Variants in IRAK1BP1 observed in about 807,000 individuals in gnomAD.
The protein encoded by IRAK1BP1 is interleukin 1 receptor associated kinase 1 binding protein 1.
IRAK1BP1 carries 24 observed loss-of-function variants against 28.0 expected under a neutral mutation model. The observed-to-expected ratio is 0.86, with a 90% CI of 0.62 to 1.20. The LOEUF (loss-of-function observed/expected upper bound fraction) is 1.20, where lower values mean the gene tolerates loss of function less well. IRAK1BP1 is among the 50% of genes most tolerant of loss of function. IRAK1BP1 has a pLI of 0.00. For missense variants in IRAK1BP1, 336 were observed against 316.7 expected, an observed-to-expected ratio of 1.06 and a Z score of -0.46; for synonymous variants, 131 against 116.3, an observed-to-expected ratio of 1.13 and a Z score of -0.81.
chr6:78,909,015 GAGTAATAGCATGAA>G (rs1355307441), intron 4 of IRAK1BP1, among the ~76,000 whole-genome samples: 4 of 152,316 alleles, frequency 2.6e-5, no homozygotes, highest in African/African-American at 9.6e-5. Context: ...AAACTGTGAG[GAGTAATAGCATGAA>G]AGGCCAGTCT....
the IRAK1BP1 span, chr6:78,954,840 G>C: frequency 6.3e-7 from 1 of 1,581,382 alleles, no homozygotes. Flanking sequence ...TCTACCGGCT[G>C]ACGGAAAGGC....
chr6:78,978,932 C>A, the IRAK1BP1 span, among the ~76,000 whole-genome samples: 1 of 152,110 alleles, frequency 6.6e-6, no homozygotes, highest in African/African-American at 2.4e-5. Context: ...AAAGTTCCAA[C>A]AGGCAAAACT....
chr6:78,880,433 A>C (rs1053521276), intron 1 of IRAK1BP1, among the ~76,000 whole-genome samples: 1 of 152,238 alleles, frequency 6.6e-6, no homozygotes, highest in Non-Finnish European at 1.5e-5. Context: ...CAAAAAGCAC[A>C]GTCCATGAAA....
intron 4 of IRAK1BP1, among the ~76,000 whole-genome samples, chr6:78,919,336 A>G (rs2127664927): frequency 6.6e-6 from 1 of 152,316 alleles, no homozygotes; most frequent in East Asian, 1.9e-4. Context: ...AAGAGAAATA[A>G]CTAAAATCAA....
chr6:78,965,701 A>C, the IRAK1BP1 span: 1 of 1,509,556 alleles, frequency 6.6e-7, no homozygotes. Context: ...ACACACACTT[A>C]CCATTATTAG....
chr6:78,893,353 C>T (rs568906903), intron 2 of IRAK1BP1, among the ~76,000 whole-genome samples: 3 of 93,308 alleles, frequency 3.2e-5, no homozygotes, highest in African/African-American at 6.7e-5. Context: ...TATATATCAA[C>T]GAAGAGTTTC....
chr6:78,906,076 G>T (rs4706743), downstream of IRAK1BP1, among the ~76,000 whole-genome samples: 50,065 of 152,028 alleles, frequency 0.33, 9,825 homozygotes, highest in East Asian at 0.69. Context: ...TACTTATGAA[G>T]AAGAGATGAA....
intron 4 of IRAK1BP1, among the ~76,000 whole-genome samples, chr6:78,926,114 CA>C (rs1367196914): frequency 6.6e-6 from 1 of 152,040 alleles, no homozygotes; most frequent in Non-Finnish European, 1.5e-5. Flanking sequence ...ATCACAATCA[CA>C]ATTAGATAAC....
At position 78,910,767 on chromosome 6, in the gene IRAK1BP1, T is replaced by C. The variant is rs557996636; in HGVS notation, c.*67+7657T>C. Among the ~76,000 whole-genome samples the C allele has an allele frequency of 3.9e-5, 6 of 152,356 alleles. No individual in the cohort carries two copies. The South Asian group carries it at 1.2e-3, about 32-fold the overall frequency. Reference sequence around the variant, plus strand: ...AATCGCGCTTCTCGCCGGCTGGGACTGCCCCAGACACGCACACCCTCCCGA... The same window carrying C: ...AATCGCGCTTCTCGCCGGCTGGGACCGCCCCAGACACGCACACCCTCCCGA... On this transcript the variant is annotated intron_variant and NMD_transcript_variant, in intron 4 of 4. Coordinates refer to the IRAK1BP1 transcript ENST00000606868.
At chr6:78,954,823 A>C in the IRAK1BP1 span, 1 of 1,579,196 alleles carries the variant, frequency 6.3e-7, no homozygotes, top group South Asian at 1.2e-5. Context: ...CTGGATATTC[A>C]AGGAGATCTA....
chr6:78,920,916 T>C (rs1402453547), intron 4 of IRAK1BP1, among the ~76,000 whole-genome samples: 1 of 152,164 alleles, frequency 6.6e-6, no homozygotes, highest in Non-Finnish European at 1.5e-5. Context: ...GTAGAATCTA[T>C]AAGGAACCTA....
intron 4 of IRAK1BP1, among the ~76,000 whole-genome samples, chr6:78,934,069 T>C (rs1773167021): frequency 1.3e-5 from 2 of 152,168 alleles, no homozygotes; most frequent in African/African-American, 2.4e-5. Context: ...GGGTAACTAA[T>C]TGGTTTAATT....
rs888563038 is a variant in IRAK1BP1, at chr6:78,874,498, G to A, written c.315+6607G>A. Reference sequence around the variant, plus strand: ...AATTAGTTCATTTGATCCTTGTTACGGTCCTGTGCCAGTACTATCCTGTTT... The same window carrying A: ...AATTAGTTCATTTGATCCTTGTTACAGTCCTGTGCCAGTACTATCCTGTTT... On this transcript the variant is annotated intron_variant, in intron 1 of 3. Coordinates refer to ENST00000369940, the MANE Select transcript of IRAK1BP1 (RefSeq NM_001010844.4). Among the ~76,000 whole-genome samples, 5 of 152,016 alleles carry A rather than the reference G, an allele frequency of 3.3e-5. No individual in the cohort carries two copies. The East Asian group carries it at 5.8e-4, about 18-fold the overall frequency.
At chr6:78,903,800 T>C (rs1772185877), downstream of IRAK1BP1, among the ~76,000 whole-genome samples, 1 of 152,010 alleles carries the variant, frequency 6.6e-6, no homozygotes, top group African/African-American at 2.4e-5. Flanking sequence ...AAAGATTCTG[T>C]CTCCTATCCT....
At chr6:78,968,030 C>T in the IRAK1BP1 span, among the ~76,000 whole-genome samples, 2 of 151,748 alleles carry the variant, frequency 1.3e-5, no homozygotes, top group Non-Finnish European at 2.9e-5. Context: ...CCCAGCTAAT[C>T]GGGAGGCTGA....
intron 2 of IRAK1BP1, among the ~76,000 whole-genome samples, chr6:78,894,270 G>C (rs1373247523): frequency 6.6e-6 from 1 of 152,118 alleles, no homozygotes; most frequent in Non-Finnish European, 1.5e-5. Context: ...AAATGTAAAT[G>C]GTCCACATAC....
chr6:78,955,653 A>T, the IRAK1BP1 span: 2 of 1,096,268 alleles, frequency 1.8e-6, no homozygotes, highest in South Asian at 2.8e-5. Flanking sequence ...TGAATTATAA[A>T]GTGGAATTAT....
intron 2 of IRAK1BP1, among the ~76,000 whole-genome samples, chr6:78,887,407 T>G (rs1771467439): frequency 6.6e-6 from 1 of 152,138 alleles, no homozygotes; most frequent in South Asian, 2.1e-4. Context: ...GGCTCTCACC[T>G]GTAATCCCAG....
At chr6:78,975,212 G>A in the IRAK1BP1 span, among the ~76,000 whole-genome samples, 3 of 151,908 alleles carry the variant, frequency 2.0e-5, no homozygotes, top group Non-Finnish European at 4.4e-5. Context: ...TGCAAGGCTG[G>A]TTCAATATAC....
Sources: allele counts gnomAD v4.1 joint callset (sites outside exome capture counted in the v4.1 genomes callset), GRCh38; gene constraint gnomAD v4.1.1; transcripts MANE v1.5; gene names NCBI Gene and HGNC (gene_info 2026-07-23, HGNC 2026-07-21).